Variants in LAMA3 observed in about 807,000 individuals in gnomAD.
The protein encoded by LAMA3 is laminin subunit alpha-3.
Under a neutral mutation model 402.0 loss-of-function variants are expected in LAMA3, and 281 were observed. The ratio of observed to expected loss-of-function variants is 0.70; its 90% confidence interval spans 0.63 to 0.77. The LOEUF is 0.77. Ranked by LOEUF, LAMA3 falls within the 30% of genes least tolerant of loss-of-function variation. The pLI is 0.00. For synonymous variants in LAMA3, 1,431 were observed against 1,558.4 expected, an observed-to-expected ratio of 0.92 and a Z score of 1.93; for missense variants, 3,840 against 4,215.5, an observed-to-expected ratio of 0.91 and a Z score of 2.47.
intron 33 of LAMA3, among the ~76,000 whole-genome samples, chr18:23,858,341 G>A (rs112430975): frequency 1.5e-3 from 224 of 152,236 alleles, no homozygotes; most frequent in African/African-American, 4.8e-3. Context: ...AAGGGGTTCC[G>A]CCAGGTTGTA....
chr18:23,867,560 A>G (rs1053833075), intron 36 of LAMA3, among the ~76,000 whole-genome samples: 1 of 151,668 alleles, frequency 6.6e-6, no homozygotes, highest in East Asian at 1.9e-4. Context: ...GCCAAAAAAA[A>G]AAAAAAAAGA....
intron 55 of LAMA3, among the ~76,000 whole-genome samples, 199 bp downstream of exon 55, chr18:23,909,494 T>C (rs546932787): frequency 6.6e-6 from 1 of 152,210 alleles, no homozygotes; most frequent in Admixed American, 6.5e-5. Context: ...TTACATTATC[T>C]GGTATATCAG....
chr18:23,848,606 G>A (rs1285012286), intron 32 of LAMA3, among the ~76,000 whole-genome samples: 1 of 152,180 alleles, frequency 6.6e-6, no homozygotes, highest in East Asian at 1.9e-4. Flanking sequence ...CAGGCACATG[G>A]ATATTATGGA....
At chr18:23,854,900 G>A (rs2064034757) in intron 32 of LAMA3, among the ~76,000 whole-genome samples, 1 of 151,602 alleles carries the variant, frequency 6.6e-6, no homozygotes, top group Non-Finnish European at 1.5e-5. Flanking sequence ...CAGGAGAATG[G>A]CATGAACCCA....
intron 2 of LAMA3, among the ~76,000 whole-genome samples, chr18:23,747,133 A>C (rs2061665403): frequency 6.6e-6 from 1 of 152,096 alleles, no homozygotes; most frequent in South Asian, 2.1e-4. Flanking sequence ...TCATTAACAC[A>C]TTAACATAGA....
intron 19 of LAMA3, 27 bp from the exon 20 acceptor site, chr18:23,822,225 G>A (rs1568220928): frequency 1.9e-6 from 3 of 1,613,336 alleles, no homozygotes; most frequent in Non-Finnish European, 2.5e-6. Flanking sequence ...TTTTTTCTAT[G>A]CTTTATGGCG....
intron 2 of LAMA3, among the ~76,000 whole-genome samples, chr18:23,723,944 T>A (rs930621913): frequency 3.3e-5 from 5 of 152,154 alleles, no homozygotes; most frequent in Admixed American, 1.3e-4. Context: ...AGTAAGTTCT[T>A]TAGGGGTGAT....
intron 1 of LAMA3, among the ~76,000 whole-genome samples, chr18:23,706,869 A>C (rs954090205): frequency 6.6e-6 from 1 of 152,196 alleles, no homozygotes; most frequent in African/African-American, 2.4e-5. Flanking sequence ...ACCTGAGGTC[A>C]GGAGTTCGAG....
chr18:23,921,933 A>C (rs913220702), intron 62 of LAMA3, among the ~76,000 whole-genome samples: 1 of 152,214 alleles, frequency 6.6e-6, no homozygotes, highest in Admixed American at 6.5e-5. Context: ...GGGCCTCCCA[A>C]GGCCTGACAG....
chr18:23,770,619 G>A (rs1176775232), intron 8 of LAMA3, among the ~76,000 whole-genome samples: 3 of 152,118 alleles, frequency 2.0e-5, no homozygotes, highest in Admixed American at 2.0e-4. Context: ...AAATTAGCCG[G>A]GCATGGTGGC....
rs2082703487 is a variant in LAMA3, at chr18:23,946,154, G to T, written c.9221G>T (p.Gly3074Val). Reference sequence around the variant, plus strand: ...TTTCTTACTCTGAAGGTGGTGTTTGGCCATGATGGGGAAAAGGGGCGCTTG... The same window carrying T: ...TTTCTTACTCTGAAGGTGGTGTTTGTCCATGATGGGGAAAAGGGGCGCTTG... ...NDGKWHTVVF[G>V]HDGEKGRLVV... Residue 3074 changes from glycine to valine, a missense_variant, in exon 70 of 75, where the codon GGC becomes GTC. Physicochemically the swap from Gly to Val is moderately radical, Grantham distance 109. Coordinates refer to ENST00000313654, the MANE Select transcript of LAMA3 (RefSeq NM_198129.4). 1.2e-6 allele frequency: 2 copies of T among 1,613,834 alleles called. No individual in the cohort carries two copies. The highest frequency in any genetic ancestry group is 1.7e-6 in the Non-Finnish European group (2 of 1,179,888).
chr18:23,937,340 C>T lies in LAMA3; in HGVS notation c.8863-1883C>T, dbSNP rs147269994. 2.0e-3 allele frequency among the ~76,000 whole-genome samples: 289 copies of T among 141,032 alleles called. 3 individuals are homozygous for T. Among genetic ancestry groups the T allele is most frequent in the Middle Eastern group, 3.8e-3 (1 of 260 alleles). The allele number at this position is 141,032 out of a possible 152,430, so 92.5% of individuals were successfully genotyped here. On this transcript the variant is annotated intron_variant, in intron 67 of 74. Coordinates refer to ENST00000313654, the MANE Select transcript of LAMA3 (RefSeq NM_198129.4). ...GAGATCGCGCCACTGCACTGCAGCC[C>T]GGGCAACAGAGTGAGACTCCTTCTC... is the stretch of plus-strand genomic sequence containing the variant.
intron 2 of LAMA3, among the ~76,000 whole-genome samples, chr18:23,737,159 C>T (rs1036672680): frequency 6.6e-6 from 1 of 152,152 alleles, no homozygotes; most frequent in Non-Finnish European, 1.5e-5. Context: ...ATCTGTCTGG[C>T]TTACCTGTCC....
At chr18:23,789,177 G>C (rs1029951671) in intron 12 of LAMA3, among the ~76,000 whole-genome samples, 2 of 152,068 alleles carry the variant, frequency 1.3e-5, no homozygotes, top group South Asian at 4.1e-4. Flanking sequence ...AATAACAAGC[G>C]TTGGCAAGGA....
At chr18:23,941,390 C>T (rs558056640) in intron 68 of LAMA3, among the ~76,000 whole-genome samples, 17 of 143,386 alleles carry the variant, frequency 1.2e-4, no homozygotes, top group Non-Finnish European at 6.0e-5. Flanking sequence ...CAACTTCTAA[C>T]GATTCAACCC....
At chr18:23,804,494 G>A (rs2062925156) in intron 12 of LAMA3, among the ~76,000 whole-genome samples, 8 of 152,152 alleles carry the variant, frequency 5.3e-5, no homozygotes, top group Admixed American at 5.2e-4. Context: ...TAGAGTAGTT[G>A]CTACTTCTTG....
intron 44 of LAMA3, among the ~76,000 whole-genome samples, chr18:23,897,085 G>C (rs1304932121): frequency 6.6e-6 from 1 of 152,224 alleles, no homozygotes; most frequent in Non-Finnish European, 1.5e-5. Flanking sequence ...TAGGAAATTT[G>C]AGGGGGAAAC....
intron 12 of LAMA3, among the ~76,000 whole-genome samples, chr18:23,809,151 C>T (rs933374911): frequency 1.3e-5 from 2 of 152,128 alleles, no homozygotes; most frequent in African/African-American, 2.4e-5. Flanking sequence ...TTCGGCTGTG[C>T]GAAGCATCGT....
chr18:23,892,065 G>A (rs1275913874), intron 42 of LAMA3, among the ~76,000 whole-genome samples: 1 of 152,212 alleles, frequency 6.6e-6, no homozygotes, highest in Non-Finnish European at 1.5e-5. Context: ...ATAAGGGACA[G>A]AACTTAGAGC....
Sources: allele counts gnomAD v4.1 joint callset (sites outside exome capture counted in the v4.1 genomes callset), GRCh38; gene constraint gnomAD v4.1.1; transcripts MANE v1.5; gene names NCBI Gene and HGNC (gene_info 2026-07-23, HGNC 2026-07-21).